The following DOCK1 variants were observed in gnomAD, a reference collection of about 807,000 sequenced individuals.
The protein encoded by DOCK1 is dedicator of cytokinesis 1.
In DOCK1, 138 loss-of-function variants were observed where a neutral mutation model predicts 262.7. The ratio of observed to expected loss-of-function variants is 0.53; its 90% CI spans 0.46 to 0.61. The LOEUF is 0.61. DOCK1 is among the 20% of genes least tolerant of loss of function. The pLI is 0.00. For synonymous variants in DOCK1, 866 were observed against 867.4 expected (o/e 1.00, Z 0.03); for missense variants, 1,908 against 2,370.7 (o/e 0.80, Z 4.05).
chr10:127,104,456 G>A (rs931523339), intron 23 of DOCK1, among the ~76,000 whole-genome samples: 3 of 152,136 alleles, frequency 2.0e-5, no homozygotes, highest in Admixed American at 1.3e-4. Context: ...AGAGAGGAGG[G>A]CATGAAGTTT....
chr10:127,085,872 C>G (rs1455610273), intron 23 of DOCK1, among the ~76,000 whole-genome samples: 1 of 152,132 alleles, frequency 6.6e-6, no homozygotes. Flanking sequence ...CACCATTTTT[C>G]TTATTGTATC....
At chr10:127,371,516 T>C (rs1354907986) in intron 33 of DOCK1, among the ~76,000 whole-genome samples, 1 of 152,206 alleles carries the variant, frequency 6.6e-6, no homozygotes, top group African/African-American at 2.4e-5. Context: ...ACACTCTGTG[T>C]TCAGATCCCT....
chr10:127,108,828 T>C (rs1350895097), intron 24 of DOCK1, among the ~76,000 whole-genome samples: 2 of 152,172 alleles, frequency 1.3e-5, no homozygotes, highest in Non-Finnish European at 2.9e-5. Context: ...TTTACAACAA[T>C]GGTATGACAT....
intron 12 of DOCK1, chr10:127,014,730 T>G (rs2041729636): frequency 6.6e-6 from 1 of 152,240 alleles, no homozygotes; most frequent in Non-Finnish European, 1.5e-5. Flanking sequence ...ACCAGCTCCC[T>G]GTGAGCCACG....
intron 22 of DOCK1, 61 bp downstream of exon 22, chr10:127,052,876 C>A: frequency 6.4e-7 from 1 of 1,552,628 alleles, no homozygotes; most frequent in Admixed American, 2.0e-5. Context: ...TCCTTCACTT[C>A]TTTCCTTCCC....
At chr10:127,048,342 T>G (rs2044480758) in intron 21 of DOCK1, among the ~76,000 whole-genome samples, 1 of 152,332 alleles carries the variant, frequency 6.6e-6, no homozygotes, top group African/African-American at 2.4e-5. Context: ...TATATTTTGT[T>G]GTCTGTTTCT....
At chr10:127,228,393 G>A (rs1014945922) in intron 27 of DOCK1, among the ~76,000 whole-genome samples, 1 of 152,136 alleles carries the variant, frequency 6.6e-6, no homozygotes, top group East Asian at 1.9e-4. Flanking sequence ...TCATCTGCTG[G>A]GTGGTGACCA....
Position 127,076,229 on chromosome 10 carries a change from C to T in DOCK1, c.2445+14453C>T, listed in dbSNP as rs139881698. ...CCATTAAGAAAATATCGGCCAGGCA[C>T]GGTGGCTCGTGCCTGTAATCCCGGC... On this transcript the variant is annotated intron_variant, in intron 23 of 51. Transcript: ENST00000623213. Among the ~76,000 whole-genome samples the T allele has an allele frequency of 4.1e-3, 623 of 152,280 alleles. 25 individuals carry two copies. The highest frequency in any genetic ancestry group is 5.4e-4 in the Non-Finnish European group (37 of 68,028).
chr10:127,141,681 A>C (rs61680606), intron 27 of DOCK1, among the ~76,000 whole-genome samples: 43,130 of 150,378 alleles, frequency 0.29, 6,405 homozygotes, highest in African/African-American at 0.36. Context: ...TAAAACAAAA[A>C]AAAAAAAAAA....
chr10:127,078,637 C>T (rs2046712860), intron 23 of DOCK1, among the ~76,000 whole-genome samples: 1 of 152,192 alleles, frequency 6.6e-6, no homozygotes, highest in Non-Finnish European at 1.5e-5. Flanking sequence ...GAAAAAGATA[C>T]TTGTACATGC....
intron 27 of DOCK1, among the ~76,000 whole-genome samples, chr10:127,242,758 T>A (rs1015310090): frequency 6.6e-6 from 1 of 152,244 alleles, no homozygotes; most frequent in Non-Finnish European, 1.5e-5. Context: ...ATTTGAAATT[T>A]AAGCATTTGA....
At chr10:127,370,492 T>A (rs75377642) in intron 33 of DOCK1, among the ~76,000 whole-genome samples, 14,603 of 152,144 alleles carry the variant, frequency 0.096, 887 homozygotes, top group African/African-American at 0.18. Flanking sequence ...ATTTTATACA[T>A]TACAGATGTA....
At chr10:127,315,998 T>C (rs551879902) in intron 29 of DOCK1, among the ~76,000 whole-genome samples, 1 of 151,936 alleles carries the variant, frequency 6.6e-6, no homozygotes, top group South Asian at 2.1e-4. Flanking sequence ...TGCACCCCGC[T>C]GGGGACAGGC....
At chr10:127,154,922 A>C (rs1223814293) in intron 27 of DOCK1, among the ~76,000 whole-genome samples, 1 of 152,162 alleles carries the variant, frequency 6.6e-6, no homozygotes, top group Non-Finnish European at 1.5e-5. Flanking sequence ...GGAGTGTTTC[A>C]TGCCTTCACA....
At chr10:127,418,562 C>T in intron 45 of DOCK1, 21 bp downstream of exon 45, 1 of 1,606,326 alleles carries the variant, frequency 6.2e-7, no homozygotes, top group Admixed American at 1.7e-5. Flanking sequence ...CACCAGCTTG[C>T]TCTGGGCAAG....
At chr10:127,077,542 A>G (rs748298018) in intron 23 of DOCK1, among the ~76,000 whole-genome samples, 3 of 152,152 alleles carry the variant, frequency 2.0e-5, no homozygotes, top group Non-Finnish European at 4.4e-5. Flanking sequence ...CGCTTTTCAC[A>G]TGGATTCAAG....
chr10:127,427,684 G>A (rs546773091), intron 47 of DOCK1, among the ~76,000 whole-genome samples: 3 of 152,300 alleles, frequency 2.0e-5, no homozygotes, highest in African/African-American at 7.2e-5. Context: ...GCACCACAGA[G>A]CTTCTCCGCC....
intron 21 of DOCK1, among the ~76,000 whole-genome samples, chr10:127,045,168 A>T (rs1418939118): frequency 7.2e-6 from 1 of 138,230 alleles, no homozygotes; most frequent in Admixed American, 8.3e-5. Flanking sequence ...ATTGCACTCC[A>T]GCCTGGGCTA....
chr10:126,931,635 C>A (rs1366765970), intron 1 of DOCK1, among the ~76,000 whole-genome samples: 1 of 152,130 alleles, frequency 6.6e-6, no homozygotes, highest in Non-Finnish European at 1.5e-5. Flanking sequence ...GGTCGACTTT[C>A]CAGGAGTTTT....
Sources: allele counts gnomAD v4.1 joint callset (sites outside exome capture counted in the v4.1 genomes callset), GRCh38; gene constraint gnomAD v4.1.1; transcripts MANE v1.5; gene names NCBI Gene and HGNC (gene_info 2026-07-23, HGNC 2026-07-21).